ZNF638: variants seen among roughly 807,000 people sequenced by gnomAD.
The protein encoded by ZNF638 is zinc finger protein 638, also known as CTCL tumor antigen se33-1.
In ZNF638, 46 loss-of-function variants were observed where a neutral mutation model predicts 195.6. That is an observed-to-expected ratio of 0.24 (90% CI 0.19 to 0.30). The LOEUF is 0.30. Among genes scored for constraint, ZNF638 ranks in the 10% least tolerant of loss-of-function variants. The pLI, the probability that ZNF638 is intolerant of heterozygous loss-of-function variation, is 1.00. For synonymous variants in ZNF638, 845 were observed against 772.0 expected (o/e 1.09, Z -1.57); for missense variants, 2,440 against 2,325.3 (o/e 1.05, Z -1.01).
chr2:71,425,619 T>A (rs1220618360), intron 23 of ZNF638, among the ~76,000 whole-genome samples: 1 of 152,142 alleles, frequency 6.6e-6, no homozygotes, highest in Non-Finnish European at 1.5e-5. Context: ...TGAGTCTTAG[T>A]AATAATTTTT....
chr2:71,365,282 A>G, intron 5 of ZNF638, 147 bp from the exon 6 acceptor site: 1 of 623,774 alleles, frequency 1.6e-6, no homozygotes, highest in South Asian at 2.9e-5. Flanking sequence ...CTTCATGTAA[A>G]AGCCTTCTGA....
Position 71,349,878 on chromosome 2 carries a change from A to G in ZNF638, c.924A>G (p.Ile308Met). ...GAGGACAGTCAGTCCTTGAACCCAT[A>G]AAATCCGTCAACCAATCCATTAACC... Reference protein sequence around the residue: ...ISGGQSVLEPIKSVNQSINQT... With the variant: ...ISGGQSVLEPMKSVNQSINQT... Residue 308 changes from isoleucine to methionine, a missense_variant, in exon 2 of 28, where the codon ATA (isoleucine) becomes ATG (methionine). Transcript: ENST00000264447. 6.2e-7 allele frequency: 1 copy of G among 1,614,194 alleles called. No individual in the cohort carries two copies. Among genetic ancestry groups the G allele is most frequent in the South Asian group, 1.1e-5 (1 of 91,084 alleles).
chr2:71,390,977 T>C (rs1233768430), intron 10 of ZNF638, among the ~76,000 whole-genome samples: 3 of 152,212 alleles, frequency 2.0e-5, no homozygotes, highest in East Asian at 3.9e-4. Flanking sequence ...ACTGTTGTTA[T>C]TCTTCCCCTA....
intron 20 of ZNF638, 138 bp downstream of exon 20, chr2:71,408,385 T>G: frequency 9.1e-7 from 1 of 1,097,736 alleles, no homozygotes. Context: ...GTTCCAATTT[T>G]CATAGTTTAT....
rs1262600462 is a variant in ZNF638, at chr2:71,433,305, A to G, written c.5871+22A>G. 2.6e-6 allele frequency: 4 copies of G among 1,527,416 alleles called. No individual in the cohort carries two copies. The East Asian group carries it at 9.0e-5, about 34-fold the overall frequency. The allele number at this position is 1,527,416 out of a possible 1,614,324, so 94.6% of individuals were successfully genotyped here. ...TGAGGTAATTTTAAAAATTCTTACA[A>G]AATCTTGAGGTGTTGTTATTGTCTT... On this transcript the variant is annotated intron_variant, in intron 27 of 27. Transcript: ENST00000264447.
intron 25 of ZNF638, among the ~76,000 whole-genome samples, chr2:71,429,796 T>C (rs1465896793): frequency 1.3e-5 from 2 of 152,216 alleles, no homozygotes; most frequent in East Asian, 1.9e-4. Context: ...AAGTTAGTCT[T>C]ACTTGACTTT....
intron 1 of ZNF638, among the ~76,000 whole-genome samples, chr2:71,333,264 C>G (rs1040838645): frequency 2.6e-5 from 4 of 152,142 alleles, no homozygotes; most frequent in African/African-American, 4.8e-5. Context: ...TAAATAATTA[C>G]AGGGCGTCCC....
intron 3 of ZNF638, among the ~76,000 whole-genome samples, chr2:71,359,804 TATA>T: frequency 6.6e-6 from 1 of 152,338 alleles, no homozygotes; most frequent in East Asian, 1.9e-4. Context: ...TCCATTGATG[TATA>T]TTTAGATTTT....
At chr2:71,364,286 T>A (rs764783820) in intron 5 of ZNF638, 34 bp downstream of exon 5, 2 of 1,550,276 alleles carry the variant, frequency 1.3e-6, no homozygotes, top group South Asian at 2.4e-5. Context: ...TGAATGTACT[T>A]ATTTTGACTA....
chr2:71,422,623 T>C (rs1482204751), intron 21 of ZNF638, among the ~76,000 whole-genome samples, 191 bp from the exon 22 acceptor site: 1 of 152,218 alleles, frequency 6.6e-6, no homozygotes, highest in Non-Finnish European at 1.5e-5. Context: ...ATTATTTACG[T>C]ATTTCCAGCA....
At chr2:71,338,181 C>G (rs1346206547) in intron 1 of ZNF638, among the ~76,000 whole-genome samples, 1 of 152,198 alleles carries the variant, frequency 6.6e-6, no homozygotes, top group Non-Finnish European at 1.5e-5. Flanking sequence ...TAAGACCATG[C>G]AAATATCCTG....
At chr2:71,358,651 C>T (rs1473062561) in intron 3 of ZNF638, among the ~76,000 whole-genome samples, 2 of 152,164 alleles carry the variant, frequency 1.3e-5, no homozygotes, top group African/African-American at 4.8e-5. Context: ...GGCTGTGTCT[C>T]CTAACCAGGC....
intron 17 of ZNF638, 41 bp from the exon 18 acceptor site, chr2:71,405,554 TGAGAAA>T: frequency 8.3e-7 from 1 of 1,203,438 alleles, no homozygotes; most frequent in Non-Finnish European, 1.2e-6. Flanking sequence ...AGTATTTGTA[TGAGAAA>T]GAGCTTATAC....
chr2:71,422,914 A>G lies in ZNF638; in HGVS notation c.3400A>G (p.Ser1134Gly), dbSNP rs764652942. Residue 1134 changes from serine to glycine, a missense_variant, in exon 22 of 28, where the codon AGC becomes GGC. Coordinates refer to ENST00000264447, the MANE Select transcript of ZNF638 (RefSeq NM_014497.5). Reference sequence around the variant, plus strand: ...TGAGCTTGAAGAAGAAAGTACTCCCAGCATTCAAACAGAAACTTTGGTACA... The same window carrying G: ...TGAGCTTGAAGAAGAAAGTACTCCCGGCATTCAAACAGAAACTTTGGTACA... ...PNELEEESTPSIQTETLVQQE... is the reference protein window; with the variant it reads ...PNELEEESTPGIQTETLVQQE... 1 of 1,614,164 alleles carries G rather than the reference A, an allele frequency of 6.2e-7. No homozygotes were observed. The highest frequency in any genetic ancestry group is 1.1e-5 in the South Asian group (1 of 91,088).
chr2:71,420,668 C>A (rs2080412659), intron 21 of ZNF638, among the ~76,000 whole-genome samples: 1 of 152,114 alleles, frequency 6.6e-6, no homozygotes, highest in Non-Finnish European at 1.5e-5. Context: ...TTTCTGGAAT[C>A]CTTTTCTGTT....
chr2:71,359,146 G>A (rs1445580567), intron 3 of ZNF638, among the ~76,000 whole-genome samples: 1 of 152,006 alleles, frequency 6.6e-6, no homozygotes, highest in Non-Finnish European at 1.5e-5. Context: ...ATATGACAGG[G>A]GATTTACTAG....
intron 4 of ZNF638, 105 bp downstream of exon 4, chr2:71,363,296 A>G (rs191127070): frequency 1.8e-4 from 154 of 860,892 alleles, no homozygotes; most frequent in African/African-American, 1.5e-3. Flanking sequence ...TGCCATTTAA[A>G]CAACAGGCAA....
chr2:71,355,645 C>A, intron 2 of ZNF638, 74 bp from the exon 3 acceptor site: 2 of 1,022,206 alleles, frequency 2.0e-6, no homozygotes, highest in Non-Finnish European at 1.4e-6. Context: ...TATTATTTGT[C>A]TTTTTTAAAA....
chr2:71,385,538 A>C (rs529640481), intron 10 of ZNF638, among the ~76,000 whole-genome samples: 3 of 152,186 alleles, frequency 2.0e-5, no homozygotes, highest in Admixed American at 2.0e-4. Context: ...TGGGTTTTAG[A>C]AGAGATCATT....
Sources: allele counts gnomAD v4.1 joint callset (sites outside exome capture counted in the v4.1 genomes callset), GRCh38; gene constraint gnomAD v4.1.1; transcripts MANE v1.5; gene names NCBI Gene and HGNC (gene_info 2026-07-23, HGNC 2026-07-21).